KCNN1: variants seen among roughly 807,000 people sequenced by gnomAD.
KCNN1 encodes small conductance calcium-activated potassium channel protein 1.
In KCNN1, 20 loss-of-function variants were observed where a neutral mutation model predicts 44.7. That is an observed-to-expected ratio of 0.45 (90% CI 0.32 to 0.65). KCNN1 has a LOEUF of 0.65. Ranked by LOEUF, KCNN1 falls within the 30% of genes least tolerant of loss-of-function variation. The probability of loss-of-function intolerance (pLI) is 0.05; values close to 1 mark genes in which losing one functional copy is unlikely to be tolerated. For synonymous variants in KCNN1, 324 were observed against 341.7 expected, an observed-to-expected ratio of 0.95 and a Z score of 0.57; for missense variants, 632 against 785.3, an observed-to-expected ratio of 0.80 and a Z score of 2.33.
Position 17,995,174 on chromosome 19 carries a change from C to CT in KCNN1, c.1377+1629dup, listed in dbSNP as rs201597845. Among the ~76,000 whole-genome samples, 1,212 of 142,206 alleles carry CT rather than the reference C, an allele frequency of 8.5e-3. 5 individuals carry two copies. The highest frequency in any genetic ancestry group is 0.01 in the Non-Finnish European group (663 of 64,494). 93.3% of individuals were successfully genotyped at this position (142,206 alleles called of 152,430 possible). Reference sequence around the variant, plus strand: ...GAAATTTAATTTGGAAGGGAATCTTCTTTTTTTTTTTTTTCTGAGACAGGG... The same window carrying CT: ...GAAATTTAATTTGGAAGGGAATCTTCTTTTTTTTTTTTTTTCTGAGACAGGG... On this transcript the variant is annotated intron_variant, in intron 9 of 9. Coordinates refer to ENST00000684775, the MANE Select transcript of KCNN1 (RefSeq NM_001386974.1).
upstream of KCNN1, among the ~76,000 whole-genome samples, chr19:17,966,019 GCCTGCCTT>G (rs1490683120): frequency 0.03 from 3,877 of 131,146 alleles, 55 homozygotes; most frequent in Admixed American, 0.055. Context: ...CTGCCTGCCT[GCCTGCCTT>G]CCTTCCTTCC....
Position 17,982,116 on chromosome 19 carries a change from C to T in KCNN1, c.906C>T (p.Arg302=), listed in dbSNP as rs748116204. The change falls in exon 4 of 10, where the codon CGC becomes CGT. Residue 302 remains arginine (R), a synonymous_variant. Coordinates refer to ENST00000684775, the MANE Select transcript of KCNN1 (RefSeq NM_001386974.1). ...GGATCATCGCAGCCTGGACCGTGCG[C>T]GTCTGCGAGAGGTGCGACCGCCGCC... ...SSWIIAAWTV[R]VCERYHDKQE... The T allele has an allele frequency of 6.4e-6, 10 of 1,567,436 alleles. No homozygotes were observed. In the Admixed American group the frequency reaches 1.4e-4, roughly 22 times the overall value.
At chr19:17,978,516 C>T (rs952407651) in intron 3 of KCNN1, among the ~76,000 whole-genome samples, 1 of 151,322 alleles carries the variant, frequency 6.6e-6, no homozygotes, top group Admixed American at 6.6e-5. Flanking sequence ...CAGCTTGTAC[C>T]TCCTGGGATC....
At chr19:17,978,424 G>GTTT (rs936725904) in intron 3 of KCNN1, among the ~76,000 whole-genome samples, 4 of 117,062 alleles carry the variant, frequency 3.4e-5, no homozygotes, top group Admixed American at 1.8e-4. Context: ...TGCCCAGCCT[G>GTTT]TTTTTTTTTT....
At chr19:17,973,063 G>A (rs2032077764) in intron 1 of KCNN1, among the ~76,000 whole-genome samples, 3 of 152,276 alleles carry the variant, frequency 2.0e-5, no homozygotes, top group African/African-American at 7.2e-5. Context: ...AGAGTAAGAA[G>A]GACGAGATAG....
rs1419570474 is a variant in KCNN1, at chr19:17,969,620, G to A, written c.-82+2303G>A. ...GCGAGGAGGAACATGGCAGACACAC[G>A]GCTGAATTTGGCCCATGCGTCGGGT... On this transcript the variant is annotated intron_variant, in intron 1 of 9. Transcript: ENST00000684775. Among the ~76,000 whole-genome samples, 3 of 152,114 alleles carry A rather than the reference G, an allele frequency of 2.0e-5. No homozygotes were observed. In the East Asian group the frequency reaches 5.8e-4, roughly 29 times the overall value.
rs964401331 is a variant in KCNN1 at position 17,988,772 on chromosome 19, A to G, written c.1170+247A>G. Among the ~76,000 whole-genome samples the G allele has an allele frequency of 2.1e-3, 324 of 151,946 alleles. 15 individuals carry two copies. Among genetic ancestry groups the G allele is most frequent in the Admixed American group, 0.021 (324 of 15,236 alleles). ...CTAAAAATACAAAAATTAGCCTGGC[A>G]TGGTGACGGACGCCTGTAGTCCCAT... On this transcript the variant is annotated intron_variant, in intron 6 of 9. Transcript: ENST00000684775.
At chr19:17,961,059 G>GTCT (rs1040278947) in intron 2 of KCNN1, among the ~76,000 whole-genome samples, 1 of 151,528 alleles carries the variant, frequency 6.6e-6, no homozygotes. Context: ...GGTGGTGCGC[G>GTCT]TCTGTAATCT....
At chr19:17,996,205 C>T (rs1483851703) in intron 9 of KCNN1, among the ~76,000 whole-genome samples, 1 of 149,318 alleles carries the variant, frequency 6.7e-6, no homozygotes, top group Non-Finnish European at 1.5e-5. Context: ...TAGCAGGAGG[C>T]TGAGGTGGGA....
Position 17,974,606 on chromosome 19 carries a change from C to A in KCNN1, c.402+316C>A, listed in dbSNP as rs556484229. 6.6e-6 allele frequency among the ~76,000 whole-genome samples: 1 copy of A among 152,300 alleles called. No individual in the cohort carries two copies. The highest frequency in any genetic ancestry group is 1.9e-4 in the East Asian group (1 of 5,172). The stretch of plus-strand genomic sequence containing the variant: ...CCTGCTCTGGGGAGCAACAGAAGAT[C>A]TTCCTCCCCTTCCGAGAGTGAGTGC... On this transcript the variant is annotated intron_variant, in intron 2 of 9. Transcript: ENST00000684775. The surrounding 1 kb of genome is among the most constrained non-coding windows in gnomAD (Gnocchi z 7.3).
chr19:17,953,978 G>A (rs2031482439), intron 1 of KCNN1, among the ~76,000 whole-genome samples: 1 of 152,110 alleles, frequency 6.6e-6, no homozygotes, highest in African/African-American at 2.4e-5. Context: ...GGGGCAATGT[G>A]AGGGGGTGAG....
At chr19:17,980,024 A>G (rs1278755607) in intron 3 of KCNN1, among the ~76,000 whole-genome samples, 1 of 150,954 alleles carries the variant, frequency 6.6e-6, no homozygotes, top group Non-Finnish European at 1.5e-5. Flanking sequence ...CAACAGAGCG[A>G]GTCCCCATCT....
chr19:17,976,263 G>A (rs1291882118), intron 3 of KCNN1, among the ~76,000 whole-genome samples: 6 of 151,782 alleles, frequency 4.0e-5, no homozygotes, highest in Admixed American at 2.6e-4. Flanking sequence ...AGCTGAGATC[G>A]AACCATTGCA....
chr19:17,973,965 C>T lies in KCNN1; in HGVS notation c.77C>T (p.Pro26Leu), dbSNP rs374999559. Residue 26 changes from proline (P) to leucine (L), a missense_variant, in exon 2 of 10, where the codon CCG becomes CTG. By Grantham distance (98) the Pro-to-Leu change is moderately conservative. Transcript: ENST00000684775. ...SGPGALGRDP[P>L]DPEAGHPPQP... ...CCGGGCGCCCTGGGACGAGACCCTC[C>T]GGACCCTGAGGCCGGCCACCCCCCA... 1.7e-5 allele frequency: 27 copies of T among 1,564,400 alleles called. No individual in the cohort carries two copies. The highest frequency in any genetic ancestry group is 9.5e-5 in the African/African-American group (7 of 73,834).
Position 17,974,092 on chromosome 19 carries a change from T to TGACGAGGATGATGAGGAA in KCNN1, c.207_224dup (p.Asp71_Glu76dup). 6.2e-7 allele frequency: 1 copy of TGACGAGGATGATGAGGAA among 1,611,860 alleles called. No individual in the cohort carries two copies. Among genetic ancestry groups the TGACGAGGATGATGAGGAA allele is most frequent in the Non-Finnish European group, 8.5e-7 (1 of 1,179,772 alleles). Reference sequence around the variant, plus strand: ...GGGGGCAGCCCCAGGACCAGGACGATGACGAGGATGATGAGGAAGATGAGG... The same window carrying TGACGAGGATGATGAGGAA: ...GGGGGCAGCCCCAGGACCAGGACGATGACGAGGATGATGAGGAAGACGAGGATGATGAGGAAGATGAGG... On this transcript the variant is annotated inframe_insertion, in exon 2 of 10. Coordinates refer to ENST00000684775, the MANE Select transcript of KCNN1 (RefSeq NM_001386974.1). This position sits in a 1 kb window ranked among gnomAD's most constrained non-coding sequence, Gnocchi z 7.3.
rs774620747 is a variant in KCNN1 at position 17,993,082 on chromosome 19, C to T, written c.1307+20C>T. The T allele has an allele frequency of 1.2e-6, 2 of 1,613,652 alleles. No homozygotes were observed. The highest frequency in any genetic ancestry group is 2.2e-5 in the East Asian group (1 of 44,880). On this transcript the variant is annotated intron_variant, in intron 8 of 9. Transcript: ENST00000684775. The surrounding 1 kb of genome is among the most constrained non-coding windows in gnomAD (Gnocchi z 4.5). The stretch of plus-strand genomic sequence containing the variant: ...TCAGAAGTAAGTGTTCTCCCAGGGG[C>T]TTGGTGGGGCTGGGAAATCGGGGGT...
chr19:17,987,418 C>G (rs937298393), intron 5 of KCNN1, among the ~76,000 whole-genome samples: 1 of 152,124 alleles, frequency 6.6e-6, no homozygotes, highest in Non-Finnish European at 1.5e-5. Flanking sequence ...TCCGTGTCTG[C>G]TTTTTTGCTG....
chr19:17,956,008 C>T (rs992402091), intron 2 of KCNN1, among the ~76,000 whole-genome samples: 7 of 152,060 alleles, frequency 4.6e-5, no homozygotes, highest in African/African-American at 1.7e-4. Flanking sequence ...TGGCTCACTG[C>T]AACCTCCACC....
At chr19:17,957,295 G>A (rs910609985) in intron 2 of KCNN1, among the ~76,000 whole-genome samples, 1 of 128,274 alleles carries the variant, frequency 7.8e-6, no homozygotes, top group Admixed American at 8.1e-5. Flanking sequence ...AGAGAGGGAG[G>A]GTAGGAGGGA....
Sources: allele counts gnomAD v4.1 joint callset (sites outside exome capture counted in the v4.1 genomes callset), GRCh38; gene constraint gnomAD v4.1.1; non-coding constraint Gnocchi (gnomAD v3.1); transcripts MANE v1.5; gene names NCBI Gene and HGNC (gene_info 2026-07-23, HGNC 2026-07-21).